The following MBD5 variants were observed in gnomAD, a reference collection of about 807,000 sequenced individuals.
MBD5 encodes methyl-CpG binding domain protein 5.
MBD5 carries 13 observed loss-of-function variants against 117.3 expected under a neutral mutation model. The ratio of observed to expected loss-of-function variants is 0.11; its 90% CI spans 0.07 to 0.18. MBD5 has a LOEUF of 0.18. Ranked by LOEUF, MBD5 falls within the 10% of genes least tolerant of loss-of-function variation. The pLI, the probability that MBD5 is intolerant of heterozygous loss-of-function variation, is 1.00. For synonymous variants in MBD5, 727 were observed against 766.4 expected (o/e 0.95, Z 0.85); for missense variants, 1,879 against 2,093.8 (o/e 0.90, Z 2.00).
chr2:148,504,130 A>G (rs180875421), intron 12 of MBD5, among the ~76,000 whole-genome samples: 1 of 152,354 alleles, frequency 6.6e-6, no homozygotes, highest in African/African-American at 2.4e-5. Flanking sequence ...CTTCAAAGCC[A>G]ATTTCCTATT....
intron 2 of MBD5, among the ~76,000 whole-genome samples, chr2:148,224,777 GTT>G (rs140633015): frequency 6.6e-6 from 1 of 151,410 alleles, no homozygotes; most frequent in African/African-American, 2.4e-5. Context: ...GTTTTGTTTT[GTT>G]TTTTTGCTGA....
chr2:148,457,453 A>C (rs1008350003), intron 4 of MBD5, among the ~76,000 whole-genome samples: 1 of 152,152 alleles, frequency 6.6e-6, no homozygotes, highest in African/African-American at 2.4e-5. Context: ...TCTTCTAAAA[A>C]TTTACTTGCC....
intron 1 of MBD5, among the ~76,000 whole-genome samples, chr2:148,139,458 C>T (rs1416117538): frequency 6.6e-6 from 1 of 151,432 alleles, no homozygotes; most frequent in Non-Finnish European, 1.5e-5. Flanking sequence ...TGCCCGAGGC[C>T]TCCGAGGCCT....
At chr2:148,148,645 T>C (rs1345226278) in intron 1 of MBD5, among the ~76,000 whole-genome samples, 1 of 152,160 alleles carries the variant, frequency 6.6e-6, no homozygotes, top group Non-Finnish European at 1.5e-5. Context: ...GTTTTTGTTC[T>C]TCTTCCTTTG....
intron 3 of MBD5, among the ~76,000 whole-genome samples, chr2:148,332,342 A>G (rs1185343675): frequency 6.6e-6 from 1 of 152,158 alleles, no homozygotes; most frequent in Non-Finnish European, 1.5e-5. Flanking sequence ...CCTAAAATTA[A>G]TAACTGTCTT....
intron 4 of MBD5, among the ~76,000 whole-genome samples, chr2:148,450,960 C>G (rs1045414233): frequency 3.9e-5 from 6 of 152,172 alleles, no homozygotes. Context: ...GCCTCACTCT[C>G]AGGAGCCTGT....
At chr2:148,243,745 C>T (rs768994966) in intron 3 of MBD5, 1 of 152,008 alleles carries the variant, frequency 6.6e-6, no homozygotes, top group Non-Finnish European at 1.5e-5. Context: ...GACCAACGCT[C>T]CAGGCTAGAC....
At chr2:148,113,534 T>G (rs1208149406) in intron 1 of MBD5, among the ~76,000 whole-genome samples, 1 of 152,208 alleles carries the variant, frequency 6.6e-6, no homozygotes, top group Non-Finnish European at 1.5e-5. Flanking sequence ...TTTCATTGCT[T>G]CTTCTGTTCC....
At chr2:148,223,340 A>G (rs1699739512) in intron 2 of MBD5, among the ~76,000 whole-genome samples, 2 of 151,972 alleles carry the variant, frequency 1.3e-5, no homozygotes, top group Non-Finnish European at 2.9e-5. Flanking sequence ...TAGTATTGGT[A>G]TTCATTTTTT....
rs773873513 is a variant in MBD5 at position 148,490,137 on chromosome 2, A to G, written c.4505A>G (p.Tyr1502Cys). ...GAGGAAAATTTCAGGTATAATAACT[A>G]CAAAAGAACTATGATGAGTTTTAAG... ...ILEENFRYNN[Y>C]KRTMMSFKER... is the part of the protein sequence containing the mutation. Residue 1502 changes from tyrosine to cysteine, a missense_variant, in exon 11 of 14, where the codon TAC (tyrosine) becomes TGC (cysteine). Physicochemically the swap from Tyr to Cys is radical, Grantham distance 194 (BLOSUM62 -2). This residue lies in a region of MBD5 where 1,666 missense variants were observed against 1,792.2 expected (regional missense o/e 0.93). Transcript: ENST00000642680. The G allele has an allele frequency of 2.7e-5, 44 of 1,613,968 alleles. No homozygotes were observed. Among genetic ancestry groups the G allele is most frequent in the Non-Finnish European group, 3.5e-5 (41 of 1,180,014 alleles).
intron 1 of MBD5, among the ~76,000 whole-genome samples, chr2:148,161,732 A>T (rs1698012558): frequency 6.6e-6 from 1 of 152,198 alleles, no homozygotes; most frequent in African/African-American, 2.4e-5. Context: ...GAGTCAGAGC[A>T]TAGACTGATA....
intron 1 of MBD5, among the ~76,000 whole-genome samples, chr2:148,170,358 T>C (rs1247897113): frequency 4.6e-5 from 7 of 152,240 alleles, no homozygotes; most frequent in African/African-American, 2.4e-5. Flanking sequence ...AATTATTCTC[T>C]GTGATAAAAA....
chr2:148,396,850 G>A (rs188519335), intron 4 of MBD5, among the ~76,000 whole-genome samples: 1 of 152,010 alleles, frequency 6.6e-6, no homozygotes, highest in Non-Finnish European at 1.5e-5. Context: ...TATGATAATG[G>A]GTCTCCAATA....
chr2:148,263,396 T>G (rs1289319321), intron 3 of MBD5, among the ~76,000 whole-genome samples: 1 of 152,112 alleles, frequency 6.6e-6, no homozygotes, highest in Non-Finnish European at 1.5e-5. Context: ...AGAAAACTTT[T>G]TGTAAGCCAT....
At chr2:148,092,730 G>A (rs940061828) in intron 1 of MBD5, among the ~76,000 whole-genome samples, 3 of 151,322 alleles carry the variant, frequency 2.0e-5, no homozygotes, top group Non-Finnish European at 4.4e-5. Flanking sequence ...TCAGGTGATA[G>A]GTTCACCAAA....
intron 3 of MBD5, among the ~76,000 whole-genome samples, chr2:148,334,102 C>T (rs1028844696): frequency 6.6e-6 from 1 of 152,010 alleles, no homozygotes; most frequent in Non-Finnish European, 1.5e-5. Flanking sequence ...AAATTTCTAA[C>T]CAAGTTTGTT....
chr2:148,105,231 T>C (rs1342408139), intron 1 of MBD5, among the ~76,000 whole-genome samples: 2 of 151,784 alleles, frequency 1.3e-5, no homozygotes, highest in Non-Finnish European at 2.9e-5. Context: ...CTTTTTTTTT[T>C]TTTTTGAGAC....
chr2:148,188,092 C>T (rs1433392149), intron 2 of MBD5, among the ~76,000 whole-genome samples: 1 of 152,064 alleles, frequency 6.6e-6, no homozygotes, highest in Non-Finnish European at 1.5e-5. Context: ...GAGTGCCTAC[C>T]CGATGCTCAA....
At chr2:148,444,333 A>G (rs1706424031) in intron 4 of MBD5, among the ~76,000 whole-genome samples, 1 of 151,220 alleles carries the variant, frequency 6.6e-6, no homozygotes, top group African/African-American at 2.5e-5. Context: ...TATTAAAGCA[A>G]ATCATCACTC....
Sources: allele counts gnomAD v4.1 joint callset (sites outside exome capture counted in the v4.1 genomes callset), GRCh38; gene constraint gnomAD v4.1.1; regional missense constraint gnomAD v4.1.1; transcripts MANE v1.5; gene names NCBI Gene and HGNC (gene_info 2026-07-23, HGNC 2026-07-21).